Variants in CCDC192 observed in about 807,000 individuals in gnomAD.
CCDC192 encodes coiled-coil domain-containing protein 192.
intron 3 of CCDC192, among the ~76,000 whole-genome samples, chr5:127,756,586 TA>T (rs1322280313): frequency 7.9e-5 from 12 of 152,362 alleles, no homozygotes; most frequent in African/African-American, 2.9e-4. Context: ...GCACTGATCT[TA>T]AGCTTTACAA....
intron 2 of CCDC192, among the ~76,000 whole-genome samples, chr5:127,745,234 T>C (rs572642238): frequency 5.9e-5 from 9 of 152,318 alleles, no homozygotes; most frequent in African/African-American, 2.2e-4. Context: ...AAAGAGTTTG[T>C]ACAGCTGTCA....
At chr5:127,879,877 A>G (rs1312900339) in intron 6 of CCDC192, among the ~76,000 whole-genome samples, 1 of 148,598 alleles carries the variant, frequency 6.7e-6, no homozygotes, top group Admixed American at 6.7e-5. Flanking sequence ...GCAAATCAAA[A>G]CCACAATGAG....
chr5:127,773,137 C>T (rs972987206), intron 3 of CCDC192, among the ~76,000 whole-genome samples: 1 of 152,058 alleles, frequency 6.6e-6, no homozygotes, highest in Non-Finnish European at 1.5e-5. Flanking sequence ...GGAGTACCCA[C>T]CTGAGGTTTG....
intron 5 of CCDC192, among the ~76,000 whole-genome samples, chr5:127,866,335 C>T (rs1751611518): frequency 1.3e-5 from 2 of 151,502 alleles, no homozygotes; most frequent in Admixed American, 6.6e-5. Flanking sequence ...TCTCCATATG[C>T]GTTTAAATGC....
intron 3 of CCDC192, among the ~76,000 whole-genome samples, chr5:127,763,823 T>G (rs1423805849): frequency 6.6e-6 from 1 of 152,200 alleles, no homozygotes; most frequent in African/African-American, 2.4e-5. Flanking sequence ...GCCTAGAATT[T>G]CTCTGCTAAC....
chr5:127,800,348 C>T (rs1423526595), intron 5 of CCDC192, among the ~76,000 whole-genome samples: 3 of 76,802 alleles, frequency 3.9e-5, no homozygotes, highest in African/African-American at 1.5e-4. Flanking sequence ...CTGAAAAAAA[C>T]ATTCCATAGG....
intron 6 of CCDC192, among the ~76,000 whole-genome samples, chr5:127,890,208 A>G (rs774983572): frequency 2.0e-5 from 3 of 152,082 alleles, no homozygotes; most frequent in Non-Finnish European, 4.4e-5. Context: ...CCCCATTTCT[A>G]CAAAAATTTT....
intron 6 of CCDC192, among the ~76,000 whole-genome samples, chr5:127,930,611 T>C (rs1754001336): frequency 6.6e-6 from 1 of 152,238 alleles, no homozygotes; most frequent in Non-Finnish European, 1.5e-5. Context: ...CTCAGGTACA[T>C]GGTTATGCTA....
At chr5:127,873,774 G>A (rs1000542911) in intron 5 of CCDC192, among the ~76,000 whole-genome samples, 1 of 152,162 alleles carries the variant, frequency 6.6e-6, no homozygotes, top group African/African-American at 2.4e-5. Flanking sequence ...TTACCATCCA[G>A]GACCTCACAA....
At chr5:127,775,875 T>C (rs181416677) in intron 3 of CCDC192, among the ~76,000 whole-genome samples, 1 of 152,322 alleles carries the variant, frequency 6.6e-6, no homozygotes, top group Non-Finnish European at 1.5e-5. Flanking sequence ...CTGGCTGCCA[T>C]GTAAGATGTC....
intron 6 of CCDC192, among the ~76,000 whole-genome samples, chr5:127,910,164 T>G (rs976684966): frequency 2.6e-5 from 4 of 152,248 alleles, no homozygotes; most frequent in Non-Finnish European, 4.4e-5. Context: ...AGCTAGAGGC[T>G]AGACTCTTCC....
At chr5:127,825,558 T>A (rs752734047) in intron 5 of CCDC192, among the ~76,000 whole-genome samples, 1 of 152,232 alleles carries the variant, frequency 6.6e-6, no homozygotes, top group Non-Finnish European at 1.5e-5. Flanking sequence ...CTCCTGGACA[T>A]GACACTTGGG....
intron 6 of CCDC192, among the ~76,000 whole-genome samples, chr5:127,939,443 G>T (rs1055899814): frequency 6.6e-6 from 1 of 152,030 alleles, no homozygotes; most frequent in Non-Finnish European, 1.5e-5. Context: ...AAATATTATT[G>T]TTATAATATT....
chr5:127,786,962 G>T, intron 3 of CCDC192: 1 of 387,974 alleles, frequency 2.6e-6, no homozygotes, highest in Non-Finnish European at 5.0e-6. Context: ...CCTGCTGGAT[G>T]GTGGCTCTGA....
At chr5:127,713,683 T>C (rs1052431597) in intron 2 of CCDC192, among the ~76,000 whole-genome samples, 1 of 152,208 alleles carries the variant, frequency 6.6e-6, no homozygotes, top group Admixed American at 6.5e-5. Flanking sequence ...GTTATACTTT[T>C]AGGGATTTTT....
intron 3 of CCDC192, among the ~76,000 whole-genome samples, chr5:127,782,548 G>A (rs944296283): frequency 1.3e-5 from 2 of 151,974 alleles, no homozygotes; most frequent in African/African-American, 4.8e-5. Flanking sequence ...AGCTAGGAAG[G>A]TTGTATCTTT....
chr5:127,896,474 C>A (rs1752891331), intron 6 of CCDC192, among the ~76,000 whole-genome samples: 2 of 150,732 alleles, frequency 1.3e-5, no homozygotes, highest in Admixed American at 1.3e-4. Context: ...GCTTTTGTTG[C>A]CTAGGCTGGA....
chr5:127,823,657 G>A (rs1251407309), intron 5 of CCDC192, among the ~76,000 whole-genome samples: 3 of 152,142 alleles, frequency 2.0e-5, no homozygotes, highest in South Asian at 2.1e-4. Flanking sequence ...AGGTGGGACT[G>A]TTCTCATTGG....
intron 6 of CCDC192, among the ~76,000 whole-genome samples, chr5:127,913,686 A>G (rs1753439008): frequency 6.6e-6 from 1 of 152,232 alleles, no homozygotes; most frequent in Non-Finnish European, 1.5e-5. Flanking sequence ...ATCTCTGGAG[A>G]TCTTAGGAGT....
Sources: allele counts gnomAD v4.1 joint callset (sites outside exome capture counted in the v4.1 genomes callset), GRCh38; gene constraint gnomAD v4.1.1; transcripts MANE v1.5; gene names NCBI Gene and HGNC (gene_info 2026-07-23, HGNC 2026-07-21).